EPC2: variants seen among roughly 807,000 people sequenced by gnomAD.
The protein encoded by EPC2 is enhancer of polycomb homolog 2.
Under a neutral mutation model 92.1 loss-of-function variants are expected in EPC2, and 14 were observed. That is an observed-to-expected ratio of 0.15 (90% CI 0.10 to 0.24). The LOEUF (loss-of-function observed/expected upper bound fraction) is 0.24, where lower values mean the gene tolerates loss of function less well. Among genes scored for constraint, EPC2 ranks in the 10% least tolerant of loss-of-function variants. The pLI is 1.00. For missense variants in EPC2, 755 were observed against 971.5 expected, an observed-to-expected ratio of 0.78 and a Z score of 2.96; for synonymous variants, 340 against 334.7, an observed-to-expected ratio of 1.02 and a Z score of -0.17.
In EPC2 at chr2:148,645,842, C is replaced by T. The variant is rs148135834; in HGVS notation, c.153+672C>T. ...GCTCTGCCTGCTCCGCCTGGACGGC[C>T]GTGCTCCGTGCGCAACGTTAGAGAG... is the stretch of plus-strand genomic sequence containing the variant. On this transcript the variant is annotated intron_variant, in intron 1 of 13. Transcript: ENST00000258484. 6.6e-4 allele frequency among the ~76,000 whole-genome samples: 101 copies of T among 152,260 alleles called. 1 individual carries two copies. The highest frequency in any genetic ancestry group is 2.3e-3 in the African/African-American group (97 of 41,540).
chr2:148,764,883 A>T, intron 6 of EPC2, 72 bp from the exon 7 acceptor site: 1 of 1,119,364 alleles, frequency 8.9e-7, no homozygotes, highest in East Asian at 3.0e-5. Context: ...TTCAAAGAGC[A>T]GTATAGTTTT....
intron 1 of EPC2, among the ~76,000 whole-genome samples, chr2:148,653,187 TAA>T (rs1172271824): frequency 6.6e-6 from 1 of 152,252 alleles, no homozygotes; most frequent in African/African-American, 2.4e-5. Flanking sequence ...TCTTAAGTGA[TAA>T]AAAGTTTGTA....
rs4972390 is a variant in EPC2, at chr2:148,714,433, G to C, written c.313+24060G>C. On this transcript the variant is annotated intron_variant, in intron 2 of 13. Transcript: ENST00000258484. ...ATTCCTTTGGGTATATACCAAGTAA[G>C]GGGATTGTTGAGTCAAATGGTATTT... Among the ~76,000 whole-genome samples the C allele has an allele frequency of 1.5e-4, 23 of 152,128 alleles. No homozygotes were observed. The South Asian group carries it at 3.5e-3, about 23-fold the overall frequency.
At chr2:148,721,742 A>T (rs2105391179) in intron 2 of EPC2, among the ~76,000 whole-genome samples, 1 of 110,476 alleles carries the variant, frequency 9.1e-6, no homozygotes, top group African/African-American at 3.8e-5. Context: ...CTTGCTTTTC[A>T]GTCTTGGAAG....
intron 1 of EPC2, among the ~76,000 whole-genome samples, chr2:148,658,607 G>GTGTATATATA (rs1168257662): frequency 8.7e-4 from 123 of 141,280 alleles, no homozygotes; most frequent in East Asian, 5.9e-3. Flanking sequence ...GTGTGTGTGT[G>GTGTATATATA]TATATATATA....
intron 2 of EPC2, among the ~76,000 whole-genome samples, chr2:148,704,487 A>G (rs1681953812): frequency 6.6e-6 from 1 of 152,206 alleles, no homozygotes; most frequent in Non-Finnish European, 1.5e-5. Flanking sequence ...TGAACTGCAC[A>G]CTTATAAACA....
chr2:148,664,354 C>A (rs973708619), intron 1 of EPC2, among the ~76,000 whole-genome samples: 3 of 152,052 alleles, frequency 2.0e-5, no homozygotes, highest in African/African-American at 7.2e-5. Context: ...GAAAAATTAG[C>A]CAGGCAGGGT....
intron 1 of EPC2, among the ~76,000 whole-genome samples, chr2:148,661,849 A>C (rs1244727430): frequency 6.6e-6 from 1 of 152,194 alleles, no homozygotes; most frequent in Admixed American, 6.5e-5. Flanking sequence ...GAATAGTATA[A>C]TACTGAACCA....
chr2:148,691,681 A>G (rs1387436777), intron 2 of EPC2: 2 of 1,458,432 alleles, frequency 1.4e-6, no homozygotes, highest in Non-Finnish European at 9.4e-7. Context: ...TGTTTTGTTC[A>G]TTTGTTTTTG....
chr2:148,681,569 G>A (rs1457446147), intron 1 of EPC2, among the ~76,000 whole-genome samples: 2 of 151,938 alleles, frequency 1.3e-5, no homozygotes, highest in Non-Finnish European at 2.9e-5. Flanking sequence ...TTTTACAAAC[G>A]TATATGACTG....
At chr2:148,727,236 A>G (rs539088550) in intron 2 of EPC2, among the ~76,000 whole-genome samples, 101 of 152,278 alleles carry the variant, frequency 6.6e-4, no homozygotes, top group African/African-American at 2.3e-3. Context: ...TCATTTGACC[A>G]TATATGTCAG....
chr2:148,727,010 A>G (rs1199557906), intron 2 of EPC2, among the ~76,000 whole-genome samples: 6 of 152,150 alleles, frequency 3.9e-5, no homozygotes, highest in South Asian at 2.1e-4. Context: ...GTCAAATTCA[A>G]TGTCATGAAG....
chr2:148,719,741 T>A (rs994589585), intron 2 of EPC2, among the ~76,000 whole-genome samples: 3 of 152,230 alleles, frequency 2.0e-5, no homozygotes, highest in Non-Finnish European at 2.9e-5. Flanking sequence ...AGCAACAGTT[T>A]GGCCTCTTTT....
intron 10 of EPC2, 34 bp from the exon 11 acceptor site, chr2:148,781,610 C>T (rs556215704): frequency 3.2e-5 from 51 of 1,587,864 alleles, no homozygotes; most frequent in South Asian, 3.1e-4. Context: ...TCTTTTAAAA[C>T]GTACTCATTT....
chr2:148,693,412 A>G (rs562117395), intron 2 of EPC2, among the ~76,000 whole-genome samples: 1 of 152,234 alleles, frequency 6.6e-6, no homozygotes, highest in South Asian at 2.1e-4. Context: ...ATTACTATCC[A>G]TTTCAAAATT....
chr2:148,661,746 C>T (rs1316894677), intron 1 of EPC2, among the ~76,000 whole-genome samples: 1 of 151,994 alleles, frequency 6.6e-6, no homozygotes, highest in African/African-American at 2.4e-5. Flanking sequence ...AGTGTATCTA[C>T]CATGAATGAG....
chr2:148,721,886 A>ATTTTT (rs1302062474), intron 2 of EPC2, among the ~76,000 whole-genome samples: 7 of 11,144 alleles, frequency 6.3e-4, no homozygotes, highest in East Asian at 7.0e-3. Context: ...TTCTGTTTTG[A>ATTTTT]TTTCTTTTTT....
At chr2:148,678,290 C>A (rs926272155) in intron 1 of EPC2, among the ~76,000 whole-genome samples, 68 of 152,340 alleles carry the variant, frequency 4.5e-4, no homozygotes, top group African/African-American at 1.5e-3. Flanking sequence ...GAGCTAGACA[C>A]AAAGGTTCTC....
intron 2 of EPC2, among the ~76,000 whole-genome samples, chr2:148,725,697 T>C (rs892339100): frequency 1.3e-5 from 2 of 152,148 alleles, no homozygotes; most frequent in African/African-American, 4.8e-5. Context: ...TTCATGCCAC[T>C]GACATTTTTA....
Sources: allele counts gnomAD v4.1 joint callset (sites outside exome capture counted in the v4.1 genomes callset), GRCh38; gene constraint gnomAD v4.1.1; transcripts MANE v1.5; gene names NCBI Gene and HGNC (gene_info 2026-07-23, HGNC 2026-07-21).